The following MBNL2 variants were observed in gnomAD, a reference collection of about 807,000 sequenced individuals.
MBNL2 encodes muscleblind-like protein 2.
Under a neutral mutation model 41.9 loss-of-function variants are expected in MBNL2, and 17 were observed. The ratio of observed to expected loss-of-function variants is 0.41; its 90% CI spans 0.28 to 0.61. The LOEUF is 0.61. Among genes scored for constraint, MBNL2 ranks in the 20% least tolerant of loss-of-function variants. The pLI, the probability that MBNL2 is intolerant of heterozygous loss-of-function variation, is 0.35. For missense variants in MBNL2, 336 were observed against 505.6 expected (o/e 0.66, Z 3.22); for synonymous variants, 195 against 182.9 (o/e 1.07, Z -0.53).
chr13:97,189,517 T>A, the MBNL2 span, among the ~76,000 whole-genome samples: 1 of 152,140 alleles, frequency 6.6e-6, no homozygotes, highest in Non-Finnish European at 1.5e-5. Context: ...TACATGTAGG[T>A]GTGTATATAT....
At chr13:97,353,639 T>C (rs2062704794) in intron 5 of MBNL2, among the ~76,000 whole-genome samples, 1 of 152,222 alleles carries the variant, frequency 6.6e-6, no homozygotes, top group African/African-American at 2.4e-5. Context: ...TTTTAAGTAC[T>C]TCTTAAAACA....
intron 3 of MBNL2, among the ~76,000 whole-genome samples, chr13:97,339,339 G>A (rs1033956692): frequency 2.7e-5 from 4 of 148,516 alleles, no homozygotes; most frequent in African/African-American, 1.0e-4. Context: ...GGGAAAGCAG[G>A]GCATGGAAGA....
upstream of MBNL2, among the ~76,000 whole-genome samples, chr13:97,218,401 C>T (rs1427321755): frequency 1.6e-5 from 1 of 60,764 alleles, no homozygotes; most frequent in Admixed American, 1.8e-4. Flanking sequence ...CAGAGCGAGA[C>T]TCTGTCTCAA....
At chr13:97,214,299 G>A in the MBNL2 span, among the ~76,000 whole-genome samples, 7 of 152,268 alleles carry the variant, frequency 4.6e-5, no homozygotes, top group Admixed American at 2.0e-4. Context: ...ATGACCCTTG[G>A]AAGTCCCTTA....
In MBNL2 at chr13:97,276,323, T is replaced by G; in HGVS notation, c.88T>G (p.Ser30Ala). 1 of 1,613,976 alleles carries G rather than the reference T, an allele frequency of 6.2e-7. No homozygotes were observed. The highest frequency in any genetic ancestry group is 1.1e-5 in the South Asian group (1 of 91,070). ...GTTTCAAAGAGGAACATGCTCACGC[T>G]CTGATGAAGAATGCAAATTTGCTCA... The part of the protein sequence containing the change: ...RQFQRGTCSR[S>A]DEECKFAHPP... Residue 30 changes from serine (S) to alanine (A), a missense_variant, in exon 2 of 9, where the codon TCT becomes GCT. Physicochemically the swap from Ser to Ala is moderately conservative, Grantham distance 99. Coordinates refer to ENST00000679496, the MANE Select transcript of MBNL2 (RefSeq NM_001382683.1).
intron 8 of MBNL2, among the ~76,000 whole-genome samples, chr13:97,380,693 G>T (rs553042821): frequency 6.6e-6 from 1 of 152,240 alleles, no homozygotes; most frequent in African/African-American, 2.4e-5. Flanking sequence ...AAAGTAAATG[G>T]TGATGCTGAA....
intron 8 of MBNL2, among the ~76,000 whole-genome samples, chr13:97,377,294 C>T (rs1007267689): frequency 6.6e-6 from 1 of 152,118 alleles, no homozygotes; most frequent in African/African-American, 2.4e-5. Flanking sequence ...TTCATATTTC[C>T]AATGAGGAAA....
chr13:97,161,051 T>G, the MBNL2 span, among the ~76,000 whole-genome samples: 1 of 151,622 alleles, frequency 6.6e-6, no homozygotes, highest in African/African-American at 2.4e-5. Context: ...AAATGAGGAA[T>G]TGAAAGCTGA....
intron 2 of MBNL2, among the ~76,000 whole-genome samples, chr13:97,282,414 G>GT (rs2053615920): frequency 6.6e-6 from 1 of 152,072 alleles, no homozygotes; most frequent in Non-Finnish European, 1.5e-5. Context: ...GAGTAAACCT[G>GT]TTTAGATAGC....
chr13:97,198,720 C>A, the MBNL2 span, among the ~76,000 whole-genome samples: 8 of 152,070 alleles, frequency 5.3e-5, no homozygotes, highest in Admixed American at 2.0e-4. Context: ...TCCTTGGAAC[C>A]ATCATTGGCT....
At chr13:97,354,731 T>A (rs572831610) in intron 5 of MBNL2, among the ~76,000 whole-genome samples, 3 of 152,338 alleles carry the variant, frequency 2.0e-5, no homozygotes, top group Admixed American at 2.0e-4. Context: ...CTTTGTTAAG[T>A]CAAAATTTTG....
intron 1 of MBNL2, among the ~76,000 whole-genome samples, chr13:97,233,134 TA>T: frequency 1.6e-5 from 1 of 64,246 alleles, no homozygotes; most frequent in East Asian, 1.1e-3. Flanking sequence ...TTCATATATA[TA>T]TATATATATA....
chr13:97,256,008 ACT>A (rs2047453607), intron 1 of MBNL2, among the ~76,000 whole-genome samples: 4 of 152,098 alleles, frequency 2.6e-5, no homozygotes, highest in Admixed American at 2.6e-4. Context: ...TCTACAAATG[ACT>A]CTGAAGCAAA....
At chr13:97,272,099 CT>C (rs2051158679) in intron 1 of MBNL2, among the ~76,000 whole-genome samples, 2 of 152,124 alleles carry the variant, frequency 1.3e-5, no homozygotes, top group African/African-American at 4.8e-5. Flanking sequence ...TGTTTCCTGA[CT>C]TTTTAATAAT....
At chr13:97,242,025 C>CGATG (rs938506043) in intron 1 of MBNL2, among the ~76,000 whole-genome samples, 1 of 152,066 alleles carries the variant, frequency 6.6e-6, no homozygotes, top group Non-Finnish European at 1.5e-5. Flanking sequence ...AGGACACTTC[C>CGATG]GATGCCTTCT....
At chr13:97,372,694 G>A (rs1566447764) in intron 8 of MBNL2, among the ~76,000 whole-genome samples, 1 of 151,952 alleles carries the variant, frequency 6.6e-6, no homozygotes, top group Non-Finnish European at 1.5e-5. Flanking sequence ...GTTTTATCTG[G>A]CCAGCTATAA....
intron 8 of MBNL2, among the ~76,000 whole-genome samples, chr13:97,378,143 C>T (rs1479764062): frequency 6.6e-6 from 1 of 152,128 alleles, no homozygotes; most frequent in Non-Finnish European, 1.5e-5. Flanking sequence ...TGAAATATTA[C>T]TATATAATAT....
At chr13:97,281,064 C>T (rs562019103) in intron 2 of MBNL2, among the ~76,000 whole-genome samples, 37 of 152,340 alleles carry the variant, frequency 2.4e-4, no homozygotes, top group Non-Finnish European at 5.0e-4. Context: ...GGGACTATGT[C>T]TGTTGTGATC....
At chr13:97,277,049 A>G (rs551675053) in intron 2 of MBNL2, among the ~76,000 whole-genome samples, 84 of 152,344 alleles carry the variant, frequency 5.5e-4, no homozygotes, top group Admixed American at 2.4e-3. Flanking sequence ...AAGGGGACAC[A>G]TGCCTTGTGG....
Sources: gnomAD v4.1 joint callset for allele counts (sites outside exome capture counted in the v4.1 genomes callset) on GRCh38, gnomAD v4.1.1 for gene constraint, MANE v1.5 for transcripts, NCBI Gene and HGNC (gene_info 2026-07-23, HGNC 2026-07-21) for gene names.